ACVR1: variants seen among roughly 807,000 people sequenced by gnomAD.
ACVR1 encodes the protein activin receptor type-1.
Under a neutral mutation model 57.1 loss-of-function variants are expected in ACVR1, and 38 were observed. The observed-to-expected ratio is 0.67, with a 90% CI of 0.51 to 0.87. The LOEUF (loss-of-function observed/expected upper bound fraction) is 0.87. Ranked by LOEUF, ACVR1 falls within the 40% of genes least tolerant of loss-of-function variation. The pLI is 0.00. For synonymous variants in ACVR1, 212 were observed against 228.1 expected (o/e 0.93, Z 0.63); for missense variants, 463 against 638.2 (o/e 0.73, Z 2.96).
chr2:157,781,895 C>G (rs935003542), intron 3 of ACVR1, among the ~76,000 whole-genome samples: 4 of 152,116 alleles, frequency 2.6e-5, no homozygotes, highest in Non-Finnish European at 5.9e-5. Flanking sequence ...CCACTTTTGC[C>G]GAAGCACTGT....
At chr2:157,772,553 C>T (rs1146033) in intron 6 of ACVR1, among the ~76,000 whole-genome samples, 139,850 of 152,242 alleles carry the variant, frequency 0.92, 65,124 homozygotes, top group Non-Finnish European at 0.99. Context: ...AAACTACATA[C>T]TTTAAAGGTG....
chr2:157,778,018 T>C, intron 5 of ACVR1, 113 bp downstream of exon 5: 1 of 1,121,046 alleles, frequency 8.9e-7, no homozygotes, highest in Non-Finnish European at 1.3e-6. Flanking sequence ...ACCAACAGCA[T>C]GTGTGTACAC....
At chr2:157,831,304 T>A (rs186609312) in intron 1 of ACVR1, among the ~76,000 whole-genome samples, 1 of 152,162 alleles carries the variant, frequency 6.6e-6, no homozygotes, top group African/African-American at 2.4e-5. Flanking sequence ...CAAGGAATAA[T>A]AAATGGCTGT....
chr2:157,852,429 G>A (rs533149023), intron 1 of ACVR1, among the ~76,000 whole-genome samples: 3 of 151,242 alleles, frequency 2.0e-5, no homozygotes, highest in Non-Finnish European at 4.4e-5. Flanking sequence ...CTAGGGAGGT[G>A]GAGACTGCAG....
At chr2:157,828,471 A>T (rs1366519957) in intron 1 of ACVR1, among the ~76,000 whole-genome samples, 2 of 150,164 alleles carry the variant, frequency 1.3e-5, no homozygotes, top group African/African-American at 4.9e-5. Context: ...AAAAAAAAAA[A>T]TTAGGTGGGC....
chr2:157,820,150 G>A (rs377715183), intron 1 of ACVR1, among the ~76,000 whole-genome samples: 2 of 152,180 alleles, frequency 1.3e-5, no homozygotes, highest in East Asian at 1.9e-4. Flanking sequence ...ATCTAGACAC[G>A]TAAGGCACAG....
At chr2:157,855,323 TACACACAC>T (rs138199528) in intron 1 of ACVR1, among the ~76,000 whole-genome samples, 1 of 108,554 alleles carries the variant, frequency 9.2e-6, no homozygotes, top group African/African-American at 3.9e-5. Context: ...TATATATATA[TACACACAC>T]ACACACACAC....
At chr2:157,784,522 C>T (rs777619883) in intron 3 of ACVR1, among the ~76,000 whole-genome samples, 1 of 152,204 alleles carries the variant, frequency 6.6e-6, no homozygotes, top group Admixed American at 6.5e-5. Flanking sequence ...CAGAGCTCAC[C>T]CACATTGTTT....
At chr2:157,852,314 A>G (rs1018747683) in intron 1 of ACVR1, among the ~76,000 whole-genome samples, 5 of 152,052 alleles carry the variant, frequency 3.3e-5, no homozygotes, top group Non-Finnish European at 4.4e-5. Flanking sequence ...CCTGGGCAAC[A>G]TGGCAAAACC....
At chr2:157,827,373 AAAAAG>A (rs1688422397) in intron 1 of ACVR1, among the ~76,000 whole-genome samples, 2 of 152,334 alleles carry the variant, frequency 1.3e-5, no homozygotes, top group South Asian at 4.1e-4. Context: ...AAGTTAGGTA[AAAAAG>A]AAAAGAAAAA....
At chr2:157,864,427 T>C (rs1689843759) in intron 1 of ACVR1, among the ~76,000 whole-genome samples, 1 of 151,904 alleles carries the variant, frequency 6.6e-6, no homozygotes, top group African/African-American at 2.4e-5. Flanking sequence ...TTGCCCAGGT[T>C]AACCTCAAAC....
chr2:157,749,167 G>A (rs1268574750), intron 9 of ACVR1, among the ~76,000 whole-genome samples: 1 of 152,176 alleles, frequency 6.6e-6, no homozygotes, highest in Non-Finnish European at 1.5e-5. Context: ...CCACTTTGTG[G>A]GTAGTTGGGG....
At chr2:157,795,815 T>C (rs967692151) in intron 3 of ACVR1, among the ~76,000 whole-genome samples, 1 of 152,080 alleles carries the variant, frequency 6.6e-6, no homozygotes, top group Non-Finnish European at 1.5e-5. Context: ...TTTTCCCCAT[T>C]CTCTCTCTAC....
intron 6 of ACVR1, among the ~76,000 whole-genome samples, chr2:157,771,813 G>A (rs1401221369): frequency 2.0e-5 from 3 of 152,206 alleles, no homozygotes; most frequent in African/African-American, 4.8e-5. Flanking sequence ...AGTGCTCATT[G>A]TGGGCCACTG....
At chr2:157,863,392 A>G (rs1224060254) in intron 1 of ACVR1, among the ~76,000 whole-genome samples, 2 of 97,608 alleles carry the variant, frequency 2.0e-5, no homozygotes, top group Admixed American at 1.5e-4. Flanking sequence ...AGTTGAATAC[A>G]TTTGTATACT....
At position 157,774,073 on chromosome 2, in the gene ACVR1, A is replaced by G. The variant is rs1574047771; in HGVS notation, c.643+15T>C. Reference sequence around the variant, plus strand: ...ATTGCATATTACCCACAAAGAAAGGAAAAAAAAGAATTACCGACACACTCC... The same window carrying G: ...ATTGCATATTACCCACAAAGAAAGGGAAAAAAAGAATTACCGACACACTCC... On this transcript the variant is annotated intron_variant, in intron 6 of 10. Transcript: ENST00000434821. 1 of 1,600,802 alleles carries G rather than the reference A, an allele frequency of 6.2e-7. No homozygotes were observed.
intron 9 of ACVR1, among the ~76,000 whole-genome samples, chr2:157,757,776 T>C (rs1189062248): frequency 6.6e-6 from 1 of 151,772 alleles, no homozygotes; most frequent in African/African-American, 2.4e-5. Flanking sequence ...CTGGGTGATA[T>C]ATGCCATCAC....
In ACVR1 at chr2:157,799,414, G is replaced by A. The variant is rs901635527; in HGVS notation, c.67+13C>T. 5.0e-6 allele frequency: 8 copies of A among 1,598,724 alleles called. No individual in the cohort carries two copies. In the East Asian group the frequency reaches 1.1e-4, roughly 22 times the overall value. On this transcript the variant is annotated intron_variant, in intron 3 of 10. Transcript: ENST00000434821. ...TATACTTATCTTAACCCAAAAAGAT[G>A]TGAGTCACTTACCTTCCATACTAGG... is the stretch of plus-strand genomic sequence containing the variant.
At chr2:157,855,308 GTATA>G (rs1200907209) in intron 1 of ACVR1, among the ~76,000 whole-genome samples, 41 of 51,634 alleles carry the variant, frequency 7.9e-4, no homozygotes, top group South Asian at 1.6e-3. Context: ...GTGTGTGTGT[GTATA>G]TATATATATA....
Sources: gnomAD v4.1 joint callset for allele counts (sites outside exome capture counted in the v4.1 genomes callset) on GRCh38, gnomAD v4.1.1 for gene constraint, MANE v1.5 for transcripts, NCBI Gene and HGNC (gene_info 2026-07-23, HGNC 2026-07-21) for gene names.